RETREG1: variants seen among roughly 807,000 people sequenced by gnomAD.
The protein encoded by RETREG1 is reticulophagy regulator 1, also known as family with sequence similarity 134 member B.
In RETREG1, 44 loss-of-function variants were observed where a neutral mutation model predicts 54.8. That is an observed-to-expected ratio of 0.80 (90% CI 0.63 to 1.03). The LOEUF is 1.03. RETREG1 is among the 50% of genes least tolerant of loss of function. The probability of loss-of-function intolerance (pLI) is 0.00; values close to 1 mark genes in which losing one functional copy is unlikely to be tolerated. For synonymous variants in RETREG1, 217 were observed against 238.5 expected (o/e 0.91, Z 0.83); for missense variants, 554 against 605.1 (o/e 0.92, Z 0.89).
chr5:16,549,032 A>G (rs894291253), intron 3 of RETREG1, among the ~76,000 whole-genome samples: 2 of 152,248 alleles, frequency 1.3e-5, no homozygotes, highest in South Asian at 2.1e-4. Flanking sequence ...CAGCCTCATC[A>G]TCTTCTCACT....
Position 16,600,162 on chromosome 5 carries a change from G to A in RETREG1, c.320+16490C>T, listed in dbSNP as rs533194471. 2.2e-4 allele frequency among the ~76,000 whole-genome samples: 34 copies of A among 152,222 alleles called. No homozygotes were observed. In the East Asian group the frequency reaches 2.7e-3, roughly 12 times the overall value. ...ATTACAGGTGCAGACCACCAAGCCC[G>A]GCTAATTTTTGTGTTTTTAGTAGAG... On this transcript the variant is annotated intron_variant, in intron 1 of 8. Transcript: ENST00000306320.
intron 1 of RETREG1, among the ~76,000 whole-genome samples, chr5:16,576,044 G>A (rs1742308011): frequency 6.6e-6 from 1 of 152,152 alleles, no homozygotes; most frequent in Non-Finnish European, 1.5e-5. Context: ...GGGAGGGTTT[G>A]TGTTATTAGA....
chr5:16,571,208 A>G (rs1742164490), intron 2 of RETREG1, among the ~76,000 whole-genome samples: 1 of 152,178 alleles, frequency 6.6e-6, no homozygotes, highest in Middle Eastern at 3.2e-3. Context: ...TGCCAGGACT[A>G]TAATCCAGGC....
At position 16,593,178 on chromosome 5, in the gene RETREG1, A is replaced by G. The variant is rs1331947202; in HGVS notation, c.321-21076T>C. On this transcript the variant is annotated intron_variant, in intron 1 of 8. Coordinates refer to ENST00000306320, the MANE Select transcript of RETREG1 (RefSeq NM_001034850.3). This position sits in a 1 kb window ranked among gnomAD's most constrained non-coding sequence, Gnocchi z 4.9. Reference sequence around the variant, plus strand: ...ACACTCAGCAAGGAAAACTCCACCCAGTCTCCTTAGCAGCCTGCTGTTAAA... The same window carrying G: ...ACACTCAGCAAGGAAAACTCCACCCGGTCTCCTTAGCAGCCTGCTGTTAAA... Among the ~76,000 whole-genome samples, 3 of 152,176 alleles carry G rather than the reference A, an allele frequency of 2.0e-5. No homozygotes were observed. Among genetic ancestry groups the G allele is most frequent in the African/African-American group, 7.2e-5 (3 of 41,434 alleles).
intron 3 of RETREG1, among the ~76,000 whole-genome samples, chr5:16,515,519 G>A (rs1355652119): frequency 2.0e-5 from 3 of 152,056 alleles, no homozygotes; most frequent in African/African-American, 7.2e-5. Context: ...ACACAACTGG[G>A]GGAGACAAAG....
Position 16,481,101 on chromosome 5 carries a change from T to C in RETREG1, c.586-8A>G, listed in dbSNP as rs755272812. 19 of 1,597,958 alleles carry C rather than the reference T, an allele frequency of 1.2e-5. No homozygotes were observed. The East Asian group carries it at 3.8e-4, about 32-fold the overall frequency. On this transcript the variant is annotated splice_polypyrimidine_tract_variant and splice_region_variant and intron_variant, in intron 4 of 8. Coordinates refer to ENST00000306320, the MANE Select transcript of RETREG1 (RefSeq NM_001034850.3). The stretch of plus-strand genomic sequence containing the variant: ...ACAGACCAGGAGACAAAACTGGAAA[T>C]AATAGAAATAACATGGGATAGTTAA...
intron 1 of RETREG1, among the ~76,000 whole-genome samples, chr5:16,580,319 T>C (rs890017645): frequency 3.9e-5 from 6 of 152,228 alleles, no homozygotes; most frequent in Non-Finnish European, 8.8e-5. Context: ...TCTGCCACTA[T>C]GTGCTTGCCC....
rs565396298 is a variant in RETREG1 at position 16,583,030 on chromosome 5, G to A, written c.321-10928C>T. Among the ~76,000 whole-genome samples the A allele has an allele frequency of 2.6e-5, 4 of 152,262 alleles. No homozygotes were observed. In the East Asian group the frequency reaches 7.7e-4, roughly 29 times the overall value. On this transcript the variant is annotated intron_variant, in intron 1 of 8. Coordinates refer to ENST00000306320, the MANE Select transcript of RETREG1 (RefSeq NM_001034850.3). ...CTGCTCTGGGCAGACATCTGTGCCTGCTCAGGCTCAGCAATGCAGGAGGTC... is the reference window on the plus strand; with the variant it reads ...CTGCTCTGGGCAGACATCTGTGCCTACTCAGGCTCAGCAATGCAGGAGGTC...
chr5:16,533,506 T>C lies in RETREG1; in HGVS notation c.458+32257A>G, dbSNP rs111977987. On this transcript the variant is annotated intron_variant, in intron 3 of 8. Coordinates refer to ENST00000306320, the MANE Select transcript of RETREG1 (RefSeq NM_001034850.3). ...CAGACCAACCTAGTAGTCTCCTGGC[T>C]TAACCCTTCATCAAGGGATGCTCAG... 2.8e-3 allele frequency among the ~76,000 whole-genome samples: 432 copies of C among 152,284 alleles called. 5 individuals carry two copies. The highest frequency in any genetic ancestry group is 9.9e-3 in the African/African-American group (413 of 41,554).
chr5:16,492,588 A>C (rs192495049), intron 3 of RETREG1, among the ~76,000 whole-genome samples: 1 of 152,230 alleles, frequency 6.6e-6, no homozygotes. Context: ...TCAGCTAGTG[A>C]CTAAGGGTCT....
At chr5:16,574,165 AG>A (rs1161039155) in intron 1 of RETREG1, among the ~76,000 whole-genome samples, 5 of 149,844 alleles carry the variant, frequency 3.3e-5, no homozygotes, top group African/African-American at 1.2e-4. Flanking sequence ...GACTCAGGAA[AG>A]GGTGAGGTAC....
chr5:16,494,164 G>A lies in RETREG1; in HGVS notation c.459-10692C>T, dbSNP rs76933342. Among the ~76,000 whole-genome samples, 1,425 of 152,234 alleles carry A rather than the reference G, an allele frequency of 9.4e-3. 28 individuals are homozygous for A. The highest frequency in any genetic ancestry group is 0.033 in the African/African-American group (1,355 of 41,530). On this transcript the variant is annotated intron_variant, in intron 3 of 8. Transcript: ENST00000306320. Reference sequence around the variant, plus strand: ...GTCACAGAAAAAAATGACAATGCTTGCTAAACTTGCCCTCAGTCTCCCTCA... The same window carrying A: ...GTCACAGAAAAAAATGACAATGCTTACTAAACTTGCCCTCAGTCTCCCTCA...
At chr5:16,603,465 C>T (rs1282364925) in intron 1 of RETREG1, among the ~76,000 whole-genome samples, 1 of 152,140 alleles carries the variant, frequency 6.6e-6, no homozygotes, top group African/African-American at 2.4e-5. Context: ...GGGACAACCT[C>T]GCTGAAGAGG....
intron 3 of RETREG1, among the ~76,000 whole-genome samples, chr5:16,496,517 G>A (rs1434442454): frequency 6.6e-6 from 1 of 152,124 alleles, no homozygotes; most frequent in Non-Finnish European, 1.5e-5. Flanking sequence ...ACCTCCCACT[G>A]GCTGGAACAT....
intron 1 of RETREG1, among the ~76,000 whole-genome samples, chr5:16,589,641 C>T (rs1270988951): frequency 8.5e-5 from 13 of 152,194 alleles, no homozygotes; most frequent in Admixed American, 7.9e-4. Context: ...GTTGGGATTA[C>T]AGGTGTGAGC....
At chr5:16,510,136 AC>A (rs1740122697) in intron 3 of RETREG1, among the ~76,000 whole-genome samples, 2 of 152,274 alleles carry the variant, frequency 1.3e-5, no homozygotes, top group South Asian at 4.1e-4. Context: ...GTGACTTTCT[AC>A]CACATTAAAG....
intron 4 of RETREG1, chr5:16,483,063 C>A: frequency 2.7e-6 from 1 of 375,582 alleles, no homozygotes; most frequent in Admixed American, 4.2e-5. Flanking sequence ...TGTTTTCTCC[C>A]TAGTCTTGCT....
At chr5:16,546,069 G>A (rs1326973285) in intron 3 of RETREG1, among the ~76,000 whole-genome samples, 2 of 152,194 alleles carry the variant, frequency 1.3e-5, no homozygotes, top group African/African-American at 2.4e-5. Flanking sequence ...GCAAAGAGGT[G>A]AGATACAATG....
chr5:16,526,811 G>A (rs1049893135), intron 3 of RETREG1, among the ~76,000 whole-genome samples: 5 of 152,172 alleles, frequency 3.3e-5, no homozygotes, highest in East Asian at 1.9e-4. Flanking sequence ...GATGCACACC[G>A]CCAGGTCCCC....
Sources: gnomAD v4.1 joint callset for allele counts (sites outside exome capture counted in the v4.1 genomes callset) on GRCh38, gnomAD v4.1.1 for gene constraint, Gnocchi (gnomAD v3.1) non-coding constraint, MANE v1.5 for transcripts, NCBI Gene and HGNC (gene_info 2026-07-23, HGNC 2026-07-21) for gene names.